CLVS1: variants seen among roughly 807,000 people sequenced by gnomAD.
CLVS1 encodes clavesin-1.
A neutral mutation model predicts 33.1 loss-of-function variants in CLVS1; 10 were observed. The observed-to-expected ratio is 0.30, with a 90% CI of 0.19 to 0.51. The LOEUF is 0.51. CLVS1 is among the 20% of genes least tolerant of loss of function. The probability of loss-of-function intolerance (pLI) is 0.97; values close to 1 mark genes in which losing one functional copy is unlikely to be tolerated. For missense variants in CLVS1, 343 were observed against 433.4 expected, an observed-to-expected ratio of 0.79 and a Z score of 1.85; for synonymous variants, 163 against 166.1, an observed-to-expected ratio of 0.98 and a Z score of 0.14.
At chr8:61,466,222 T>G (rs963977144) in intron 5 of CLVS1, among the ~76,000 whole-genome samples, 1 of 152,218 alleles carries the variant, frequency 6.6e-6, no homozygotes, top group Non-Finnish European at 1.5e-5. Flanking sequence ...CTTTAAACTA[T>G]GAGGAAAATG....
intron 2 of CLVS1, among the ~76,000 whole-genome samples, chr8:61,253,850 T>G (rs934209255): frequency 6.6e-6 from 1 of 152,222 alleles, no homozygotes; most frequent in Non-Finnish European, 1.5e-5. Flanking sequence ...TTTAACCTCT[T>G]TGCCATGGGT....
the CLVS1 span, among the ~76,000 whole-genome samples, chr8:61,020,513 C>A: frequency 6.6e-6 from 1 of 152,168 alleles, no homozygotes; most frequent in Non-Finnish European, 1.5e-5. Flanking sequence ...CAGCCAACTC[C>A]AAGACAGTTT....
intron 3 of CLVS1, among the ~76,000 whole-genome samples, chr8:61,410,017 G>A (rs1014534557): frequency 3.4e-5 from 5 of 146,386 alleles, no homozygotes; most frequent in African/African-American, 1.3e-4. Flanking sequence ...GCTATGAATT[G>A]CAAATGTTTC....
At chr8:61,252,298 C>T (rs1234896029) in intron 2 of CLVS1, among the ~76,000 whole-genome samples, 1 of 152,122 alleles carries the variant, frequency 6.6e-6, no homozygotes, top group Non-Finnish European at 1.5e-5. Context: ...GTTATGATTT[C>T]CATTCTTTTG....
intron 3 of CLVS1, 94 bp from the exon 4 acceptor site, chr8:61,454,047 A>T: frequency 1.2e-6 from 1 of 844,950 alleles, no homozygotes; most frequent in South Asian, 1.4e-5. Flanking sequence ...ACCAGGCAGG[A>T]AAAACAGGTT....
chr8:61,220,357 G>A (rs749157243), intron 2 of CLVS1, among the ~76,000 whole-genome samples: 22 of 151,888 alleles, frequency 1.4e-4, no homozygotes, highest in Non-Finnish European at 2.5e-4. Context: ...GAAGGGGTCC[G>A]GTTTCAGTTT....
intron 1 of CLVS1, among the ~76,000 whole-genome samples, chr8:61,074,009 CAAAAAAA>C (rs35959369): frequency 1.1e-4 from 8 of 70,390 alleles, no homozygotes; most frequent in Admixed American, 9.5e-4. Flanking sequence ...GACTCCGTCT[CAAAAAAA>C]AAAAAAAAAA....
At position 61,092,817 on chromosome 8, in the gene CLVS1, T is replaced by C. The variant is rs116060655; in HGVS notation, c.-243+35587T>C. ...CTGCAATCTTAATTCCCCTTTCCCA[T>C]GTGTCATAACATATTCACAGTTTTC... On this transcript the variant is annotated intron_variant, in intron 1 of 2. Transcript: ENST00000522621. Among the ~76,000 whole-genome samples, 750 of 152,358 alleles carry C rather than the reference T, an allele frequency of 4.9e-3. 5 individuals are homozygous for C. The highest frequency in any genetic ancestry group is 0.017 in the African/African-American group (701 of 41,580).
At chr8:61,225,566 A>G (rs1292839500) in intron 2 of CLVS1, among the ~76,000 whole-genome samples, 2 of 152,212 alleles carry the variant, frequency 1.3e-5, no homozygotes, top group African/African-American at 4.8e-5. Flanking sequence ...TTCAGCTCCA[A>G]AGGGATTTTT....
At chr8:61,458,631 C>T (rs137947857) in intron 5 of CLVS1, 89 bp downstream of exon 5, 2 of 819,206 alleles carry the variant, frequency 2.4e-6, no homozygotes, top group South Asian at 2.0e-5. Flanking sequence ...AATTAAAGAC[C>T]TTTATGGGCA....
the CLVS1 span, among the ~76,000 whole-genome samples, chr8:60,989,415 G>A: frequency 1.4e-4 from 22 of 152,214 alleles, no homozygotes; most frequent in African/African-American, 5.3e-4. Context: ...CCTGACAGGC[G>A]ATCCACCCAC....
chr8:61,252,105 T>TG (rs1463206099), intron 2 of CLVS1, among the ~76,000 whole-genome samples: 1 of 152,204 alleles, frequency 6.6e-6, no homozygotes, highest in Non-Finnish European at 1.5e-5. Flanking sequence ...CCAGAGATTC[T>TG]GGTACATTGT....
intron 2 of CLVS1, among the ~76,000 whole-genome samples, chr8:61,237,527 G>C (rs1808593914): frequency 6.6e-6 from 1 of 152,194 alleles, no homozygotes; most frequent in South Asian, 2.1e-4. Context: ...AGCTGAAAGG[G>C]ACCTCAGAGG....
intron 3 of CLVS1, among the ~76,000 whole-genome samples, chr8:61,451,808 C>CAGAGAGAGAG (rs1394837715): frequency 1.1e-4 from 14 of 132,154 alleles, no homozygotes; most frequent in Non-Finnish European, 2.1e-4. Flanking sequence ...AACACACACA[C>CAGAGAGAGAG]ACACAGAGAG....
the CLVS1 span, among the ~76,000 whole-genome samples, chr8:61,032,780 C>T: frequency 6.6e-6 from 1 of 151,994 alleles, no homozygotes. Context: ...AAAATTTCTT[C>T]TATTCATAGG....
intron 1 of CLVS1, among the ~76,000 whole-genome samples, chr8:61,071,312 G>C (rs1585587508): frequency 6.6e-6 from 1 of 152,224 alleles, no homozygotes; most frequent in South Asian, 2.1e-4. Context: ...GGTGTCAGCA[G>C]GGCTGGTGCC....
At chr8:60,977,848 A>T in the CLVS1 span, among the ~76,000 whole-genome samples, 2 of 152,258 alleles carry the variant, frequency 1.3e-5, no homozygotes, top group Non-Finnish European at 2.9e-5. Context: ...AAAGAAATCT[A>T]CACAGAGACA....
chr8:61,402,674 G>A (rs1268767514), intron 3 of CLVS1, among the ~76,000 whole-genome samples: 1 of 152,234 alleles, frequency 6.6e-6, no homozygotes, highest in Non-Finnish European at 1.5e-5. Context: ...TACTGGGCTA[G>A]ATGGTGAGTA....
At chr8:61,286,957 A>T (rs945866869), upstream of CLVS1, among the ~76,000 whole-genome samples, 8 of 152,196 alleles carry the variant, frequency 5.3e-5, no homozygotes, top group Admixed American at 5.2e-4. Flanking sequence ...ATAGCTATAA[A>T]CATTACAGGC....
Sources: gnomAD v4.1 joint callset for allele counts (sites outside exome capture counted in the v4.1 genomes callset) on GRCh38, gnomAD v4.1.1 for gene constraint, MANE v1.5 for transcripts, NCBI Gene and HGNC (gene_info 2026-07-23, HGNC 2026-07-21) for gene names.